CAPRIN1: variants seen among roughly 807,000 people sequenced by gnomAD.
The protein encoded by CAPRIN1 is cell cycle associated protein 1, also known as caprin-1.
In CAPRIN1, 29 loss-of-function variants were observed where a neutral mutation model predicts 100.9. The observed-to-expected ratio is 0.29, with a 90% CI of 0.21 to 0.39. The LOEUF is 0.39. Among genes scored for constraint, CAPRIN1 ranks in the 10% least tolerant of loss-of-function variants. The probability of loss-of-function intolerance (pLI) is 1.00; values close to 1 mark genes in which losing one functional copy is unlikely to be tolerated. For synonymous variants in CAPRIN1, 338 were observed against 307.5 expected (o/e 1.10, Z -1.04); for missense variants, 795 against 876.7 (o/e 0.91, Z 1.18).
intron 2 of CAPRIN1, among the ~76,000 whole-genome samples, chr11:34,055,239 C>T (rs975298837): frequency 3.3e-5 from 5 of 152,010 alleles, no homozygotes; most frequent in South Asian, 2.1e-4. Context: ...TCTTGGCTTC[C>T]TGCAACCTCC....
intron 5 of CAPRIN1, 28 bp from the exon 6 acceptor site, chr11:34,076,532 T>C (rs1293793018): frequency 2.2e-5 from 35 of 1,606,280 alleles, no homozygotes; most frequent in Non-Finnish European, 2.8e-5. Context: ...AACTGAAAGG[T>C]TATTAATTAG....
chr11:34,098,346 A>G, intron 18 of CAPRIN1: 1 of 984,418 alleles, frequency 1.0e-6, no homozygotes, highest in Non-Finnish European at 1.2e-6. Flanking sequence ...TTATTGAGCT[A>G]TACTTAAAAA....
intron 16 of CAPRIN1, 64 bp from the exon 17 acceptor site, chr11:34,097,132 A>G: frequency 8.5e-7 from 1 of 1,170,404 alleles, no homozygotes; most frequent in Non-Finnish European, 1.3e-6. Flanking sequence ...GTCTTCATTA[A>G]TAAAAAAGTA....
At chr11:34,086,004 G>C in intron 9 of CAPRIN1, 60 bp from the exon 10 acceptor site, 1 of 1,428,966 alleles carries the variant, frequency 7.0e-7, no homozygotes, top group Non-Finnish European at 9.8e-7. Context: ...CCATCATGGT[G>C]GTAGTGAGTG....
In CAPRIN1 at chr11:34,095,606, G is replaced by A. The variant is rs182849807; in HGVS notation, c.1706-873G>A. 2.6e-3 allele frequency among the ~76,000 whole-genome samples: 396 copies of A among 152,360 alleles called. 1 individual carries two copies. The highest frequency in any genetic ancestry group is 0.014 in the Middle Eastern group (4 of 294). On this transcript the variant is annotated intron_variant, in intron 15 of 18. Coordinates refer to ENST00000341394, the MANE Select transcript of CAPRIN1 (RefSeq NM_005898.5). Reference sequence around the variant, plus strand: ...CTCTGCCCCAAAAGGGGAGATTTGGGTTGGCCAGCAGCTTCTGACCCTTGT... The same window carrying A: ...CTCTGCCCCAAAAGGGGAGATTTGGATTGGCCAGCAGCTTCTGACCCTTGT...
At chr11:34,098,954 T>C in intron 18 of CAPRIN1, 1 of 1,112,750 alleles carries the variant, frequency 9.0e-7, no homozygotes, top group Non-Finnish European at 1.1e-6. Flanking sequence ...GTAAGCTCCA[T>C]GAGAGCAGGT....
chr11:34,079,521 TAGTAAC>T (rs1237136056), intron 6 of CAPRIN1, 101 bp from the exon 7 acceptor site: 1 of 834,394 alleles, frequency 1.2e-6, no homozygotes, highest in Non-Finnish European at 1.9e-6. Context: ...ATATGTGTTT[TAGTAAC>T]AGTTATTTTT....
intron 1 of CAPRIN1, 159 bp from the exon 2 acceptor site, chr11:34,052,262 C>T (rs1224262386): frequency 7.2e-6 from 4 of 556,900 alleles, no homozygotes; most frequent in Non-Finnish European, 1.2e-5. Flanking sequence ...CGCCCGCGCA[C>T]TCTTCCTGCC....
At position 34,079,791 on chromosome 11, in the gene CAPRIN1, T is replaced by C. The variant is rs762637174; in HGVS notation, c.826+26T>C. On this transcript the variant is annotated intron_variant, in intron 7 of 18. Coordinates refer to ENST00000341394, the MANE Select transcript of CAPRIN1 (RefSeq NM_005898.5). The stretch of plus-strand genomic sequence containing the variant: ...GTGAGTATTAGGTGGATATCAACTT[T>C]AGTTTAGGGTCCTGGTTTTATTTGA... The C allele has an allele frequency of 4.4e-6, 7 of 1,597,558 alleles. No homozygotes were observed. In the South Asian group the frequency reaches 4.5e-5, roughly 10 times the overall value.
At position 34,090,204 on chromosome 11, in the gene CAPRIN1, A is replaced by G. The variant is rs747542290; in HGVS notation, c.1319A>G (p.Glu440Gly). 1.2e-6 allele frequency: 2 copies of G among 1,612,778 alleles called. No homozygotes were observed. The highest frequency in any genetic ancestry group is 1.7e-6 in the Non-Finnish European group (2 of 1,178,898). The change falls in exon 13 of 19, where the codon GAG (glutamate) becomes GGG (glycine). Residue 440 changes from glutamate (E) to glycine (G), a missense_variant. Around this residue, in one of 3 missense-constraint regions of CAPRIN1, gnomAD observed 648 missense variants for 697.9 expected, o/e 0.93. Transcript: ENST00000341394. ...GTTCCTTTGGTATCATCCACAAGTGAGGGGTACACAGCATCTCAACCCTTG... is the reference window on the plus strand; with the variant it reads ...GTTCCTTTGGTATCATCCACAAGTGGGGGGTACACAGCATCTCAACCCTTG... ...TQVPLVSSTS[E>G]GYTASQPLYQ...
intron 2 of CAPRIN1, among the ~76,000 whole-genome samples, chr11:34,061,623 A>G (rs1850580495): frequency 6.6e-6 from 1 of 151,762 alleles, no homozygotes; most frequent in Non-Finnish European, 1.5e-5. Flanking sequence ...CTCGTTTCTC[A>G]ATGAAAATTT....
chr11:34,099,068 G>A (rs1851414780), intron 18 of CAPRIN1: 3 of 1,400,066 alleles, frequency 2.1e-6, no homozygotes, highest in Admixed American at 3.0e-5. Context: ...GAATGAATGA[G>A]TACTGGTGGA....
At position 34,071,637 on chromosome 11, in the gene CAPRIN1, T is replaced by G. The variant is rs1026703047; in HGVS notation, c.217-89T>G. On this transcript the variant is annotated intron_variant, in intron 2 of 18. Coordinates refer to ENST00000341394, the MANE Select transcript of CAPRIN1 (RefSeq NM_005898.5). ...ATTTAAGTCAAAATTTGAGACAAAC[T>G]TAGAGGATTGTGAGGGTTTTGTCAA... is the stretch of plus-strand genomic sequence containing the variant. 1.3e-4 allele frequency: 112 copies of G among 882,022 alleles called. 1 individual carries two copies. In the Admixed American group the frequency reaches 2.5e-3, roughly 20 times the overall value. The allele number at this position is 882,022 out of a possible 1,614,324, so 54.6% of individuals were successfully genotyped here. A position where few individuals can be genotyped will look rare whatever the true frequency, so the allele number is the denominator to read the frequency against.
Position 34,099,564 on chromosome 11 carries a change from T to C in CAPRIN1, c.*197T>C. 5.0e-6 allele frequency: 3 copies of C among 601,236 alleles called. No individual in the cohort carries two copies. The highest frequency in any genetic ancestry group is 6.0e-6 in the Non-Finnish European group (2 of 335,898). The allele number at this position is 601,236 out of a possible 1,614,324, so 37.2% of individuals were successfully genotyped here. A position where few individuals can be genotyped will look rare whatever the true frequency, so the allele number is the denominator to read the frequency against. ...ATATGGAAGGAAACTATTTTTACTC[T>C]GCATGTTCTGTCCTAAGCGTCATCT... On this transcript the variant is annotated 3_prime_UTR_variant, in exon 19 of 19. Transcript: ENST00000341394.
chr11:34,090,440 ATTAAT>A, intron 13 of CAPRIN1, 84 bp from the exon 14 acceptor site: 1 of 1,456,206 alleles, frequency 6.9e-7, no homozygotes, highest in Non-Finnish European at 9.5e-7. Context: ...TAAGTTTGAG[ATTAAT>A]TTACCACTTT....
Position 34,052,536 on chromosome 11 carries a change from C to T in CAPRIN1, c.116C>T (p.Ser39Phe). The T allele has an allele frequency of 1.9e-6, 3 of 1,608,260 alleles. No individual in the cohort carries two copies. The highest frequency in any genetic ancestry group is 2.5e-6 in the Non-Finnish European group (3 of 1,178,084). The change falls in exon 2 of 19, where the codon TCT becomes TTT. Residue 39 changes from serine (S) to phenylalanine (F), a missense_variant. Transcript: ENST00000341394. ...GGAGCCGGGGCCGCCGCGCCGGCTT[C>T]TCAGCACCCCGCAACCGGCACCGGC... Reference protein sequence around the residue: ...AAGAGAAAPASQHPATGTGAV... With the variant: ...AAGAGAAAPAFQHPATGTGAV...
At chr11:34,082,733 A>C (rs530716524) in intron 7 of CAPRIN1, 92 bp from the exon 8 acceptor site, 5 of 854,946 alleles carry the variant, frequency 5.8e-6, no homozygotes, top group African/African-American at 1.7e-5. Context: ...GGACAAATGC[A>C]TAATGACGTG....
At position 34,086,064 on chromosome 11, in the gene CAPRIN1, G is replaced by T. The variant is rs377578608; in HGVS notation, c.967G>T (p.Val323Leu). The stretch of plus-strand genomic sequence containing the variant: ...TCTAATCCTTTTTTTTCTACCTTAG[G>T]TGGTAAATTCACTCCAGCAGCAACC... ...VDEWTVETVE[V>L]VNSLQQQPQA... The change falls in exon 10 of 19, where the codon GTG becomes TTG. Residue 323 changes from valine to leucine, a missense_variant and splice_region_variant. Transcript: ENST00000341394. 2 of 1,612,262 alleles carry T rather than the reference G, an allele frequency of 1.2e-6. No homozygotes were observed. Among genetic ancestry groups the T allele is most frequent in the East Asian group, 2.2e-5 (1 of 44,866 alleles).
At chr11:34,069,262 G>T (rs748608203) in intron 2 of CAPRIN1, among the ~76,000 whole-genome samples, 4 of 150,640 alleles carry the variant, frequency 2.7e-5, no homozygotes, top group Non-Finnish European at 5.9e-5. Context: ...CGATTCTCCT[G>T]CCTCAGCCTT....
Sources: allele counts gnomAD v4.1 joint callset (sites outside exome capture counted in the v4.1 genomes callset), GRCh38; gene constraint gnomAD v4.1.1; regional missense constraint gnomAD v4.1.1; transcripts MANE v1.5; gene names NCBI Gene and HGNC (gene_info 2026-07-23, HGNC 2026-07-21).